Variants in IL1RAPL2 observed in about 807,000 individuals in gnomAD.
The protein encoded by IL1RAPL2 is X-linked interleukin-1 receptor accessory protein-like 2.
Under a neutral mutation model 44.1 loss-of-function variants are expected in IL1RAPL2, and 3 were observed. That is an observed-to-expected ratio of 0.07 (90% CI 0.03 to 0.18). The LOEUF (loss-of-function observed/expected upper bound fraction) is 0.18. Among genes scored for constraint, IL1RAPL2 ranks in the 10% least tolerant of loss-of-function variants. The pLI is 1.00. For missense variants in IL1RAPL2, 391 were observed against 496.4 expected, an observed-to-expected ratio of 0.79 and a Z score of 2.02; for synonymous variants, 181 against 178.8, an observed-to-expected ratio of 1.01 and a Z score of -0.10.
chrX:104,913,549 A>G (rs981775544), intron 2 of IL1RAPL2, among the ~76,000 whole-genome samples: 1 of 111,659 alleles, frequency 9.0e-6, no homozygotes, highest in Non-Finnish European at 1.9e-5. Context: ...AGTGCATTTC[A>G]TTTGTGAATG....
intron 2 of IL1RAPL2, among the ~76,000 whole-genome samples, chrX:105,023,761 G>A (rs1414948561): frequency 9.0e-6 from 1 of 110,792 alleles, no homozygotes; most frequent in African/African-American, 3.3e-5. Flanking sequence ...AGTCAATAAA[G>A]TGGTAAGAAG....
intron 6 of IL1RAPL2, among the ~76,000 whole-genome samples, chrX:105,709,526 A>G (rs1802393308): frequency 8.9e-6 from 1 of 112,074 alleles, no homozygotes; most frequent in South Asian, 3.7e-4. Flanking sequence ...ATCAGACCTG[A>G]AAGAGTCCTT....
At chrX:105,752,270 G>A (rs2038603066) in intron 9 of IL1RAPL2, among the ~76,000 whole-genome samples, 1 of 112,128 alleles carries the variant, frequency 8.9e-6, no homozygotes, top group Non-Finnish European at 1.9e-5. Context: ...CACAGTATTT[G>A]CTCTGTAGAA....
intron 6 of IL1RAPL2, among the ~76,000 whole-genome samples, chrX:105,492,600 T>C (rs190641777): frequency 1.7e-4 from 19 of 109,744 alleles, no homozygotes; most frequent in African/African-American, 5.9e-4. Flanking sequence ...GTAGTGATAA[T>C]ATCAGTAGTA....
At chrX:104,873,136 A>G (rs1922809326) in intron 2 of IL1RAPL2, among the ~76,000 whole-genome samples, 2 of 111,736 alleles carry the variant, frequency 1.8e-5, no homozygotes, top group African/African-American at 6.5e-5. Flanking sequence ...TTTATAAATA[A>G]CAGAAATCCA....
At chrX:105,133,375 C>T (rs772942588) in intron 2 of IL1RAPL2, among the ~76,000 whole-genome samples, 28 of 111,194 alleles carry the variant, frequency 2.5e-4, no homozygotes, top group African/African-American at 7.2e-4. Context: ...AATGTACTTG[C>T]AACTTAAGGA....
At chrX:104,847,741 T>G (rs1219217871) in intron 2 of IL1RAPL2, among the ~76,000 whole-genome samples, 3 of 112,008 alleles carry the variant, frequency 2.7e-5, no homozygotes, top group South Asian at 3.7e-4. Flanking sequence ...AAGTCATTGG[T>G]AGCTTGATGG....
chrX:104,769,806 G>A (rs184980991), intron 2 of IL1RAPL2, among the ~76,000 whole-genome samples: 1 of 111,609 alleles, frequency 9.0e-6, no homozygotes, highest in Admixed American at 9.5e-5. Flanking sequence ...TCCCAGATGC[G>A]GGGTTTTTCT....
At chrX:105,762,630 G>A (rs1367257646) in intron 10 of IL1RAPL2, among the ~76,000 whole-genome samples, 2 of 111,866 alleles carry the variant, frequency 1.8e-5, no homozygotes, top group African/African-American at 6.5e-5. Context: ...CTGTGGTTTC[G>A]CAGACTGGTC....
At chrX:104,950,457 G>C (rs1971817103) in intron 2 of IL1RAPL2, among the ~76,000 whole-genome samples, 1 of 112,474 alleles carries the variant, frequency 8.9e-6, no homozygotes, top group Admixed American at 9.3e-5. Context: ...GGAGCCTACA[G>C]AGGCAGGCAG....
intron 2 of IL1RAPL2, among the ~76,000 whole-genome samples, chrX:104,864,625 G>C (rs1385796049): frequency 8.9e-6 from 1 of 111,764 alleles, no homozygotes; most frequent in African/African-American, 3.3e-5. Flanking sequence ...ATTTGAGTTG[G>C]TGGACTGGGA....
intron 2 of IL1RAPL2, among the ~76,000 whole-genome samples, chrX:105,159,703 G>C (rs1265244479): frequency 1.8e-5 from 2 of 111,657 alleles, no homozygotes; most frequent in African/African-American, 6.5e-5. Context: ...CCATTTGGGG[G>C]CAGACATGTA....
At chrX:105,630,666 A>G (rs2037485715) in intron 6 of IL1RAPL2, among the ~76,000 whole-genome samples, 2 of 110,394 alleles carry the variant, frequency 1.8e-5, no homozygotes, top group African/African-American at 3.3e-5. Flanking sequence ...GGTGTTAGGG[A>G]AAAAAAATGA....
At chrX:104,815,831 C>G (rs1011659716) in intron 2 of IL1RAPL2, among the ~76,000 whole-genome samples, 8 of 78,753 alleles carry the variant, frequency 1.0e-4, no homozygotes, top group Middle Eastern at 5.2e-3. Flanking sequence ...TTCCACCCCC[C>G]TCATTTTTTT....
At chrX:104,973,806 C>T (rs2030281681) in intron 2 of IL1RAPL2, among the ~76,000 whole-genome samples, 1 of 111,754 alleles carries the variant, frequency 8.9e-6, no homozygotes, top group Non-Finnish European at 1.9e-5. Flanking sequence ...CTATCTCTTT[C>T]TTAAATAACC....
At chrX:104,941,226 A>G (rs1451865755) in intron 2 of IL1RAPL2, among the ~76,000 whole-genome samples, 7 of 110,684 alleles carry the variant, frequency 6.3e-5, no homozygotes, top group African/African-American at 2.3e-4. Flanking sequence ...CCAGTAATGG[A>G]ATGGCTGGGT....
At chrX:105,542,764 C>T (rs1401637178) in intron 6 of IL1RAPL2, among the ~76,000 whole-genome samples, 8 of 94,919 alleles carry the variant, frequency 8.4e-5, no homozygotes, top group Non-Finnish European at 1.6e-4. Flanking sequence ...GACGGAGTCT[C>T]GCTCTGTCGC....
intron 4 of IL1RAPL2, among the ~76,000 whole-genome samples, chrX:105,245,399 G>A (rs192318851): frequency 1.5e-4 from 17 of 111,466 alleles, no homozygotes; most frequent in African/African-American, 5.5e-4. Flanking sequence ...GGTACTGGAG[G>A]CATGTTCATA....
intron 6 of IL1RAPL2, among the ~76,000 whole-genome samples, chrX:105,598,801 A>G (rs1362139187): frequency 1.8e-5 from 2 of 112,136 alleles, no homozygotes; most frequent in Non-Finnish European, 3.8e-5. Context: ...TCAGAGATAT[A>G]TTTTCTCTCT....
Sources: allele counts gnomAD v4.1 joint callset (sites outside exome capture counted in the v4.1 genomes callset), GRCh38; gene constraint gnomAD v4.1.1; transcripts MANE v1.5; gene names NCBI Gene and HGNC (gene_info 2026-07-23, HGNC 2026-07-21).